DDX10: variants seen among roughly 807,000 people sequenced by gnomAD.
The protein encoded by DDX10 is probable ATP-dependent RNA helicase DDX10.
Under a neutral mutation model 104.3 loss-of-function variants are expected in DDX10, and 74 were observed. The observed-to-expected ratio is 0.71, with a 90% CI of 0.59 to 0.86. The LOEUF is 0.86. Ranked by LOEUF, DDX10 falls within the 40% of genes least tolerant of loss-of-function variation. The pLI is 0.00. For missense variants in DDX10, 952 were observed against 1,040.0 expected (o/e 0.92, Z 1.16); for synonymous variants, 351 against 353.4 (o/e 0.99, Z 0.08).
intron 13 of DDX10, among the ~76,000 whole-genome samples, chr11:108,813,313 C>T (rs983579001): frequency 6.7e-6 from 1 of 149,298 alleles, no homozygotes; most frequent in African/African-American, 2.5e-5. Flanking sequence ...TTTATCTTTG[C>T]TGGTTAGGAA....
intron 1 of DDX10, among the ~76,000 whole-genome samples, chr11:108,670,811 T>A (rs866083323): frequency 1.3e-5 from 2 of 152,104 alleles, no homozygotes; most frequent in South Asian, 2.1e-4. Flanking sequence ...TTTTTTTTTT[T>A]AAATCAAAAT....
chr11:108,665,752 A>G (rs1411189821), intron 1 of DDX10, among the ~76,000 whole-genome samples: 1 of 152,178 alleles, frequency 6.6e-6, no homozygotes, highest in Non-Finnish European at 1.5e-5. Context: ...TCTAAGAGGA[A>G]TGAAACTTGT....
intron 16 of DDX10, among the ~76,000 whole-genome samples, chr11:108,881,743 A>G (rs1463477741): frequency 1.3e-5 from 2 of 152,152 alleles, no homozygotes; most frequent in African/African-American, 2.4e-5. Context: ...GATGTTTGGT[A>G]GGTTAGATGT....
chr11:108,725,834 G>C lies in DDX10; in HGVS notation c.1965+2372G>C, dbSNP rs79698022. On this transcript the variant is annotated intron_variant, in intron 13 of 17. Transcript: ENST00000322536. Reference sequence around the variant, plus strand: ...ATTTTAGGTAATTTATATATGTGTCGTATCTGATAAATCTGTGATTGACCC... The same window carrying C: ...ATTTTAGGTAATTTATATATGTGTCCTATCTGATAAATCTGTGATTGACCC... 3.3e-3 allele frequency among the ~76,000 whole-genome samples: 506 copies of C among 152,030 alleles called. 6 individuals carry two copies. Among genetic ancestry groups the C allele is most frequent in the African/African-American group, 0.012 (488 of 41,498 alleles).
chr11:108,727,521 T>G (rs980051549), intron 13 of DDX10, among the ~76,000 whole-genome samples: 5 of 152,202 alleles, frequency 3.3e-5, no homozygotes, highest in African/African-American at 1.2e-4. Flanking sequence ...AAATGTTGTC[T>G]TTTGTTTACT....
intron 10 of DDX10, among the ~76,000 whole-genome samples, chr11:108,712,864 A>C (rs978100236): frequency 1.3e-5 from 2 of 151,898 alleles, no homozygotes; most frequent in Non-Finnish European, 2.9e-5. Context: ...TTCTACTGGC[A>C]ATAAGTTTTG....
At chr11:108,675,829 T>C in intron 3 of DDX10, 103 bp downstream of exon 3, 2 of 1,420,686 alleles carry the variant, frequency 1.4e-6, no homozygotes, top group South Asian at 1.3e-5. Context: ...TTAGATTTCA[T>C]GATAGATTGG....
At chr11:108,926,220 C>G (rs936569786) in intron 17 of DDX10, among the ~76,000 whole-genome samples, 3 of 151,788 alleles carry the variant, frequency 2.0e-5, no homozygotes, top group African/African-American at 7.3e-5. Context: ...AACCTGGGCT[C>G]TATGGATGAG....
intron 13 of DDX10, among the ~76,000 whole-genome samples, chr11:108,739,249 C>G (rs1200295181): frequency 6.6e-6 from 1 of 152,190 alleles, no homozygotes; most frequent in Non-Finnish European, 1.5e-5. Context: ...TTGTCGGCTT[C>G]TCCCAAACGA....
chr11:108,906,856 T>G (rs1459011602), intron 16 of DDX10, among the ~76,000 whole-genome samples: 1 of 152,246 alleles, frequency 6.6e-6, no homozygotes, highest in Non-Finnish European at 1.5e-5. Context: ...GAATGAATTT[T>G]GTGCAAAGCA....
At chr11:108,871,213 G>A (rs1490124261) in intron 16 of DDX10, among the ~76,000 whole-genome samples, 1 of 152,034 alleles carries the variant, frequency 6.6e-6, no homozygotes, top group African/African-American at 2.4e-5. Flanking sequence ...CACTTAGGCT[G>A]CCCATGTACC....
At chr11:108,715,846 T>C (rs1302772728) in intron 10 of DDX10, 33 bp from the exon 11 acceptor site, 1 of 1,146,498 alleles carries the variant, frequency 8.7e-7, no homozygotes, top group Admixed American at 2.1e-5. Flanking sequence ...ATTTGAGATA[T>C]CTTATTTTAA....
chr11:108,889,402 CT>C (rs1412566391), intron 16 of DDX10, among the ~76,000 whole-genome samples: 1 of 151,964 alleles, frequency 6.6e-6, no homozygotes, highest in Non-Finnish European at 1.5e-5. Context: ...AAACATTATT[CT>C]TTTTTTGTTG....
At chr11:108,753,710 G>A (rs2094341199) in intron 13 of DDX10, among the ~76,000 whole-genome samples, 1 of 151,906 alleles carries the variant, frequency 6.6e-6, no homozygotes, top group South Asian at 2.1e-4. Context: ...TGCAAGTATT[G>A]GACACAATGG....
At chr11:108,810,997 C>G (rs1271939874) in intron 13 of DDX10, among the ~76,000 whole-genome samples, 1 of 152,146 alleles carries the variant, frequency 6.6e-6, no homozygotes, top group Non-Finnish European at 1.5e-5. Context: ...CCTTGTCTAT[C>G]TCCAGTGGAA....
intron 17 of DDX10, among the ~76,000 whole-genome samples, chr11:108,925,897 T>G (rs1863901459): frequency 6.6e-6 from 1 of 152,198 alleles, no homozygotes; most frequent in Non-Finnish European, 1.5e-5. Context: ...TTTTCTTTCC[T>G]TTGAAGTCAT....
At chr11:108,928,105 AG>A (rs1182181440) in intron 17 of DDX10, among the ~76,000 whole-genome samples, 7 of 152,206 alleles carry the variant, frequency 4.6e-5, no homozygotes, top group Admixed American at 4.6e-4. Flanking sequence ...TATTCATGGC[AG>A]GTACCAATGA....
At chr11:108,846,753 T>C (rs34596273) in intron 15 of DDX10, among the ~76,000 whole-genome samples, 8,218 of 152,284 alleles carry the variant, frequency 0.054, 319 homozygotes, top group Non-Finnish European at 0.085. Context: ...CAGACATCTA[T>C]TTGACATACG....
chr11:108,933,648 T>C (rs1056487460), intron 17 of DDX10, among the ~76,000 whole-genome samples: 3 of 152,228 alleles, frequency 2.0e-5, no homozygotes, highest in Non-Finnish European at 4.4e-5. Context: ...CCTTCCGCCA[T>C]TAGTGTTTTA....
Sources: gnomAD v4.1 joint callset for allele counts (sites outside exome capture counted in the v4.1 genomes callset) on GRCh38, gnomAD v4.1.1 for gene constraint, MANE v1.5 for transcripts, NCBI Gene and HGNC (gene_info 2026-07-23, HGNC 2026-07-21) for gene names.